The following ORC1 variants were observed in gnomAD, a reference collection of about 807,000 sequenced individuals.
ORC1 encodes the protein origin recognition complex subunit 1.
Under a neutral mutation model 98.9 loss-of-function variants are expected in ORC1, and 61 were observed. That is an observed-to-expected ratio of 0.62 (90% confidence interval 0.50 to 0.76). The LOEUF (loss-of-function observed/expected upper bound fraction) is 0.76, where lower values mean the gene tolerates loss of function less well. Among genes scored for constraint, ORC1 ranks in the 30% least tolerant of loss-of-function variants. The pLI is 0.00. For synonymous variants in ORC1, 385 were observed against 406.9 expected, an observed-to-expected ratio of 0.95 and a Z score of 0.65; for missense variants, 979 against 1,072.2, an observed-to-expected ratio of 0.91 and a Z score of 1.21.
At chr1:52,389,374 A>ATC in intron 6 of ORC1, 53 bp from the exon 7 acceptor site, 2 of 1,252,104 alleles carry the variant, frequency 1.6e-6, no homozygotes, top group Non-Finnish European at 2.4e-6. Context: ...ACCAGAGTGT[A>ATC]CAAAAGGCAC....
intron 1 of ORC1, among the ~76,000 whole-genome samples, chr1:52,404,022 C>G (rs1051004500): frequency 7.9e-5 from 12 of 152,200 alleles, no homozygotes; most frequent in African/African-American, 2.4e-4. Flanking sequence ...CGCCTTCCCC[C>G]CTGCAAACTC....
intron 14 of ORC1, among the ~76,000 whole-genome samples, chr1:52,377,979 G>C (rs1365143829): frequency 6.6e-6 from 1 of 152,148 alleles, no homozygotes; most frequent in Non-Finnish European, 1.5e-5. Context: ...AATAGAGAGG[G>C]CTTTGAAACT....
At chr1:52,376,402 C>G (rs1646995670) in intron 14 of ORC1, among the ~76,000 whole-genome samples, 1 of 152,058 alleles carries the variant, frequency 6.6e-6, no homozygotes, top group African/African-American at 2.4e-5. Context: ...GTAATCTCAG[C>G]TACTGGGGAG....
intron 2 of ORC1, 68 bp downstream of exon 2, chr1:52,402,061 A>T: frequency 9.2e-7 from 1 of 1,086,730 alleles, no homozygotes; most frequent in Non-Finnish European, 1.4e-6. Context: ...AGAACAGGCT[A>T]GATACAAGTT....
chr1:52,384,358 A>G (rs1569922394), intron 11 of ORC1, among the ~76,000 whole-genome samples, 192 bp downstream of exon 11: 1 of 152,150 alleles, frequency 6.6e-6, no homozygotes, highest in Admixed American at 6.5e-5. Context: ...GCTTGTAATC[A>G]TTATCCAGCT....
upstream of ORC1, chr1:52,404,604 A>C (rs1163053087): frequency 1.2e-6 from 1 of 803,372 alleles, no homozygotes; most frequent in African/African-American, 1.7e-5. Context: ...AGCCCTTTAC[A>C]CTACGGTGTT....
At chr1:52,382,522 T>G (rs540544730) in intron 13 of ORC1, among the ~76,000 whole-genome samples, 8 of 152,098 alleles carry the variant, frequency 5.3e-5, no homozygotes, top group Middle Eastern at 3.4e-3. Context: ...CCTGGTTTAT[T>G]GCATTATTCC....
chr1:52,389,740 T>C (rs925814203), intron 6 of ORC1, among the ~76,000 whole-genome samples: 1 of 152,254 alleles, frequency 6.6e-6, no homozygotes, highest in Non-Finnish European at 1.5e-5. Flanking sequence ...TGCTGAAGTT[T>C]CTAGGTAGCA....
upstream of ORC1, chr1:52,405,969 G>T: frequency 1.3e-6 from 1 of 744,904 alleles, no homozygotes; most frequent in Middle Eastern, 3.1e-4. Context: ...TTGCTTTTGA[G>T]CCCTTGAGTT....
upstream of ORC1, chr1:52,405,535 T>C (rs2147952899): frequency 1.4e-6 from 1 of 693,132 alleles, no homozygotes; most frequent in Non-Finnish European, 2.5e-6. Context: ...ATATTAGCTG[T>C]TGTCGTTACT....
At chr1:52,376,447 G>A (rs945917324) in intron 14 of ORC1, among the ~76,000 whole-genome samples, 7 of 152,044 alleles carry the variant, frequency 4.6e-5, no homozygotes, top group African/African-American at 1.5e-4. Flanking sequence ...CCTGGGAGGT[G>A]GAGGTTGCAG....
Position 52,383,588 on chromosome 1 carries a change from G to C in ORC1, c.1864-19C>G, listed in dbSNP as rs1449389051. On this transcript the variant is annotated intron_variant, in intron 12 of 16. Coordinates refer to ENST00000371568, the MANE Select transcript of ORC1 (RefSeq NM_004153.4). ...GGTCGAGCTGCCAGGGCAAAGGAGA[G>C]AGGTGCAGAGTCAATCACAGAGACT... The C allele has an allele frequency of 6.2e-7, 1 of 1,613,902 alleles. No individual in the cohort carries two copies. Among genetic ancestry groups the C allele is most frequent in the South Asian group, 1.1e-5 (1 of 91,038 alleles).
At position 52,373,127 on chromosome 1, in the gene ORC1, G is replaced by A; in HGVS notation, c.*54C>T. The stretch of plus-strand genomic sequence containing the variant: ...AGCCTGGGCGACAGAGCAAGACCCT[G>A]TCTCAAAAAACAAAACCCAGCAAGA... On this transcript the variant is annotated 3_prime_UTR_variant, in exon 17 of 17. Transcript: ENST00000371568. 1 of 1,569,098 alleles carries A rather than the reference G, an allele frequency of 6.4e-7. No individual in the cohort carries two copies. Among genetic ancestry groups the A allele is most frequent in the Non-Finnish European group, 8.8e-7 (1 of 1,140,940 alleles).
rs572742024 is a variant in ORC1 at position 52,397,260 on chromosome 1, G to A, written c.402+425C>T. Among the ~76,000 whole-genome samples, 124 of 152,190 alleles carry A rather than the reference G, an allele frequency of 8.1e-4. No individual in the cohort carries two copies. In the Middle Eastern group the frequency reaches 0.017, roughly 21 times the overall value. On this transcript the variant is annotated intron_variant, in intron 4 of 16. Coordinates refer to ENST00000371568, the MANE Select transcript of ORC1 (RefSeq NM_004153.4). ...ACTTACTTCAGCCTGCAAACCAGCC[G>A]CTCATTAGCACCTGATTTATTAAGA...
At chr1:52,408,477 C>A (rs764767693), upstream of ORC1, 1 of 1,542,194 alleles carries the variant, frequency 6.5e-7, no homozygotes, top group East Asian at 2.3e-5. Flanking sequence ...AAGAGAAGAA[C>A]ATGTTTATCC....
chr1:52,383,970 G>A (rs375991771), intron 11 of ORC1, 33 bp from the exon 12 acceptor site: 1 of 1,565,372 alleles, frequency 6.4e-7, no homozygotes, highest in South Asian at 1.1e-5. Flanking sequence ...GTGAGGAACT[G>A]TAAGGGTCTT....
rs776224364 is a variant in ORC1 at position 52,393,022 on chromosome 1, C to T, written c.1082+421G>A. Reference sequence around the variant, plus strand: ...CCACTTAAGAACTTACCCATGTAACCGAAGACCACCTGTTCCCCAAAAACT... The same window carrying T: ...CCACTTAAGAACTTACCCATGTAACTGAAGACCACCTGTTCCCCAAAAACT... On this transcript the variant is annotated intron_variant, in intron 6 of 16. Transcript: ENST00000371568. Among the ~76,000 whole-genome samples the T allele has an allele frequency of 3.7e-4, 56 of 152,020 alleles. 1 individual carries two copies. Among genetic ancestry groups the T allele is most frequent in the Non-Finnish European group, 7.4e-5 (5 of 68,000 alleles).
chr1:52,382,978 C>G (rs997981459), intron 13 of ORC1, among the ~76,000 whole-genome samples: 2 of 152,154 alleles, frequency 1.3e-5, no homozygotes, highest in Non-Finnish European at 2.9e-5. Flanking sequence ...TGCAGAAAAT[C>G]ATGCAATGGT....
At chr1:52,408,795 A>T, upstream of ORC1, 2 of 1,351,420 alleles carry the variant, frequency 1.5e-6, no homozygotes, top group South Asian at 2.7e-5. Context: ...GCTCCTTTTC[A>T]TCTACATTGT....
Sources: gnomAD v4.1 joint callset for allele counts (sites outside exome capture counted in the v4.1 genomes callset) on GRCh38, gnomAD v4.1.1 for gene constraint, MANE v1.5 for transcripts, NCBI Gene and HGNC (gene_info 2026-07-23, HGNC 2026-07-21) for gene names.